Variants in RALGAPA2 observed in about 807,000 individuals in gnomAD.
The protein encoded by RALGAPA2 is Ral GTPase activating protein catalytic subunit alpha 2.
A neutral mutation model predicts 230.4 loss-of-function variants in RALGAPA2; 139 were observed. The observed-to-expected ratio is 0.60, with a 90% CI of 0.53 to 0.69. The LOEUF (loss-of-function observed/expected upper bound fraction) is 0.69, where lower values mean the gene tolerates loss of function less well. Among genes scored for constraint, RALGAPA2 ranks in the 30% least tolerant of loss-of-function variants. The pLI, the probability that RALGAPA2 is intolerant of heterozygous loss-of-function variation, is 0.00. For missense variants in RALGAPA2, 2,163 were observed against 2,276.0 expected (o/e 0.95, Z 1.01); for synonymous variants, 847 against 837.8 (o/e 1.01, Z -0.19).
chr20:20,618,428 GA>G (rs2066217847), intron 12 of RALGAPA2, among the ~76,000 whole-genome samples: 1 of 151,620 alleles, frequency 6.6e-6, no homozygotes, highest in African/African-American at 2.4e-5. Context: ...GGTTTTCAAT[GA>G]AAAGTGAGAA....
chr20:20,551,332 C>A (rs1052824574), intron 23 of RALGAPA2, among the ~76,000 whole-genome samples: 2 of 152,152 alleles, frequency 1.3e-5, no homozygotes, highest in African/African-American at 4.8e-5. Context: ...GACACGTAGA[C>A]AAAGATCTTT....
rs560949594 is a variant in RALGAPA2 at position 20,428,205 on chromosome 20, T to C, written c.5496-16057A>G. On this transcript the variant is annotated intron_variant, in intron 37 of 39. Transcript: ENST00000202677. ...ATCCCATCTATTCTGCCTAAACTCA[T>C]AAAATATACAAATAACAGAAACAGC... 1.8e-4 allele frequency among the ~76,000 whole-genome samples: 28 copies of C among 152,300 alleles called. 1 individual carries two copies. Among genetic ancestry groups the C allele is most frequent in the African/African-American group, 6.0e-4 (25 of 41,568 alleles).
chr20:20,409,756 C>T (rs1398258839), intron 38 of RALGAPA2, among the ~76,000 whole-genome samples: 4 of 152,196 alleles, frequency 2.6e-5, no homozygotes, highest in African/African-American at 4.8e-5. Context: ...CTTCCGAAAA[C>T]GTGCTTGTCT....
chr20:20,603,477 G>A (rs961931267), intron 15 of RALGAPA2, among the ~76,000 whole-genome samples: 1 of 152,082 alleles, frequency 6.6e-6, no homozygotes, highest in Non-Finnish European at 1.5e-5. Flanking sequence ...GCTTCATCAC[G>A]TGACTTACTT....
In RALGAPA2 at chr20:20,474,613, T is replaced by C. The variant is rs141199242; in HGVS notation, c.5368-1657A>G. Among the ~76,000 whole-genome samples the C allele has an allele frequency of 4.8e-3, 727 of 152,168 alleles. 3 individuals are homozygous for C. Among genetic ancestry groups the C allele is most frequent in the African/African-American group, 0.017 (701 of 41,508 alleles). ...TATTTTGAAGGTAGAGTTGTCAGGATTTGTTGAGGATGGTTAATGAGGTGG... is the reference window on the plus strand; with the variant it reads ...TATTTTGAAGGTAGAGTTGTCAGGACTTGTTGAGGATGGTTAATGAGGTGG... On this transcript the variant is annotated intron_variant, in intron 36 of 39. Coordinates refer to ENST00000202677, the MANE Select transcript of RALGAPA2 (RefSeq NM_020343.4).
At chr20:20,508,938 C>A (rs897197355) in intron 33 of RALGAPA2, among the ~76,000 whole-genome samples, 3 of 152,224 alleles carry the variant, frequency 2.0e-5, no homozygotes, top group African/African-American at 7.2e-5. Flanking sequence ...TTCGTTGCAA[C>A]AGTACCCCAG....
intron 37 of RALGAPA2, among the ~76,000 whole-genome samples, chr20:20,449,985 T>C (rs992393643): frequency 2.0e-5 from 3 of 152,248 alleles, no homozygotes; most frequent in African/African-American, 7.2e-5. Context: ...GGATTCTCTG[T>C]ATGCCTTCAG....
At chr20:20,587,055 T>G (rs1264736028) in intron 18 of RALGAPA2, among the ~76,000 whole-genome samples, 2 of 151,926 alleles carry the variant, frequency 1.3e-5, no homozygotes, top group Non-Finnish European at 2.9e-5. Flanking sequence ...AGACAAGCAC[T>G]TACAGATGCA....
rs2069643602 is a variant in RALGAPA2 at position 20,707,247 on chromosome 20, G to A, written c.106+5128C>T. 2.6e-5 allele frequency among the ~76,000 whole-genome samples: 4 copies of A among 152,270 alleles called. No homozygotes were observed. The South Asian group carries it at 8.3e-4, about 32-fold the overall frequency. ...AGCCTCAATCCTTGCTGCTAGCAGG[G>A]CCAATGGAGCAACACTTAGAAAAGC... On this transcript the variant is annotated intron_variant, in intron 1 of 39. Transcript: ENST00000202677.
At chr20:20,699,348 T>C (rs2069248158) in intron 1 of RALGAPA2, among the ~76,000 whole-genome samples, 1 of 152,180 alleles carries the variant, frequency 6.6e-6, no homozygotes, top group African/African-American at 2.4e-5. Flanking sequence ...TGAGAAAGAC[T>C]AGAGGATATT....
At chr20:20,497,241 A>G (rs1053991526) in intron 35 of RALGAPA2, among the ~76,000 whole-genome samples, 2 of 152,202 alleles carry the variant, frequency 1.3e-5, no homozygotes, top group Non-Finnish European at 1.5e-5. Context: ...AAAACATGCA[A>G]AGACATTACA....
At chr20:20,572,461 A>T (rs554303385) in intron 21 of RALGAPA2, among the ~76,000 whole-genome samples, 224 of 151,966 alleles carry the variant, frequency 1.5e-3, no homozygotes, top group African/African-American at 5.2e-3. Context: ...AAAAAAAAAA[A>T]ACTTGTATGT....
intron 36 of RALGAPA2, among the ~76,000 whole-genome samples, chr20:20,476,597 CA>C (rs1474253650): frequency 1.3e-5 from 2 of 149,660 alleles, no homozygotes; most frequent in Non-Finnish European, 3.0e-5. Flanking sequence ...ATAAAGCCTC[CA>C]GAAAAAAAAT....
intron 12 of RALGAPA2, among the ~76,000 whole-genome samples, chr20:20,618,725 A>G (rs1014458419): frequency 6.6e-6 from 1 of 152,152 alleles, no homozygotes; most frequent in Non-Finnish European, 1.5e-5. Context: ...AAATCTCCCA[A>G]TTCCCATTTT....
At chr20:20,659,651 A>G (rs995344990) in intron 3 of RALGAPA2, 7 of 310,680 alleles carry the variant, frequency 2.3e-5, no homozygotes, top group African/African-American at 1.5e-4. Context: ...CTAACATAAG[A>G]CAACATCCTA....
At chr20:20,543,706 A>C (rs1164418861) in intron 24 of RALGAPA2, among the ~76,000 whole-genome samples, 2 of 152,142 alleles carry the variant, frequency 1.3e-5, no homozygotes, top group African/African-American at 4.8e-5. Flanking sequence ...CAGGAAGGGG[A>C]ACATCACACA....
chr20:20,683,099 T>C (rs1277766314), intron 1 of RALGAPA2, among the ~76,000 whole-genome samples: 9 of 152,236 alleles, frequency 5.9e-5, no homozygotes, highest in Admixed American at 5.9e-4. Context: ...CCCGCTGCTC[T>C]GGCCAAAGCC....
chr20:20,484,227 C>T (rs2061849757), intron 36 of RALGAPA2, among the ~76,000 whole-genome samples: 1 of 152,198 alleles, frequency 6.6e-6, no homozygotes. Context: ...ACATTATTTA[C>T]CAGAAACACC....
At chr20:20,452,865 G>A (rs2061019979) in intron 37 of RALGAPA2, among the ~76,000 whole-genome samples, 2 of 152,192 alleles carry the variant, frequency 1.3e-5, no homozygotes, top group South Asian at 4.1e-4. Flanking sequence ...AAATTCCACA[G>A]GCATCTTTGG....
Sources: allele counts gnomAD v4.1 joint callset (sites outside exome capture counted in the v4.1 genomes callset), GRCh38; gene constraint gnomAD v4.1.1; transcripts MANE v1.5; gene names NCBI Gene and HGNC (gene_info 2026-07-23, HGNC 2026-07-21).